ZNF782: variants seen among roughly 807,000 people sequenced by gnomAD.
ZNF782 encodes zinc finger protein 782.
In ZNF782, 12 loss-of-function variants were observed where a neutral mutation model predicts 13.0. The ratio of observed to expected loss-of-function variants is 0.92; its 90% CI spans 0.59 to 1.50. The LOEUF (loss-of-function observed/expected upper bound fraction) is 1.50. Among genes scored for constraint, ZNF782 ranks in the 40% most tolerant of loss-of-function variants. The pLI is 0.00. For missense variants in ZNF782, 770 were observed against 822.9 expected (o/e 0.94, Z 0.79); for synonymous variants, 284 against 283.0 (o/e 1.00, Z -0.04).
chr9:96,884,113 T>C, the ZNF782 span, among the ~76,000 whole-genome samples: 1 of 152,196 alleles, frequency 6.6e-6, no homozygotes, highest in Non-Finnish European at 1.5e-5. Flanking sequence ...AATCTGGTGG[T>C]ATTGGCAGGG....
the ZNF782 span, among the ~76,000 whole-genome samples, chr9:96,900,984 A>AC: frequency 1.4e-5 from 2 of 143,914 alleles, no homozygotes; most frequent in Non-Finnish European, 3.0e-5. Flanking sequence ...ACCTGGTGAA[A>AC]CCCCGTCTTT....
At chr9:96,895,538 A>C in the ZNF782 span, 1 of 152,072 alleles carries the variant, frequency 6.6e-6, no homozygotes, top group Non-Finnish European at 1.5e-5. Context: ...TATACTGTTC[A>C]TTTTTCTCTC....
At chr9:96,887,330 G>GAAGGAAGGAAGGAAGGAAGA in the ZNF782 span, 23 of 138,090 alleles carry the variant, frequency 1.7e-4, no homozygotes, top group African/African-American at 6.5e-4. Flanking sequence ...AGGAAGGAAG[G>GAAGGAAGGAAGGAAGGAAGA]AAGGAAGGAA....
At chr9:96,900,170 G>T in the ZNF782 span, among the ~76,000 whole-genome samples, 23 of 151,168 alleles carry the variant, frequency 1.5e-4, 1 homozygote, top group African/African-American at 5.4e-4. Flanking sequence ...TAAGCTCACA[G>T]AGCTGGGTCC....
chr9:96,827,266 G>A, intron 4 of ZNF782, 85 bp from the exon 5 acceptor site: 1 of 940,458 alleles, frequency 1.1e-6, no homozygotes. Context: ...GCTTCAGAAG[G>A]GGCATATTCA....
At chr9:96,881,554 A>G in the ZNF782 span, among the ~76,000 whole-genome samples, 4 of 152,120 alleles carry the variant, frequency 2.6e-5, no homozygotes, top group Non-Finnish European at 5.9e-5. Context: ...AAAAAATTAA[A>G]GACTATAATC....
the ZNF782 span, among the ~76,000 whole-genome samples, chr9:96,907,470 G>A: frequency 6.6e-6 from 1 of 152,270 alleles, no homozygotes; most frequent in Non-Finnish European, 1.5e-5. Context: ...GCTTAAAAAT[G>A]GTTACGATGG....
At chr9:96,831,723 A>AC (rs1850807724) in intron 4 of ZNF782, among the ~76,000 whole-genome samples, 1 of 151,806 alleles carries the variant, frequency 6.6e-6, no homozygotes, top group African/African-American at 2.4e-5. Flanking sequence ...AAAAAAAAAA[A>AC]AAAAATTGCT....
At chr9:96,888,608 A>T in the ZNF782 span, 1 of 152,184 alleles carries the variant, frequency 6.6e-6, no homozygotes, top group Non-Finnish European at 1.5e-5. Context: ...GCAGACCTTG[A>T]TTGGGCAGGT....
the ZNF782 span, among the ~76,000 whole-genome samples, chr9:96,917,660 G>A: frequency 6.6e-6 from 1 of 151,570 alleles, no homozygotes. Context: ...TCAAACTCCT[G>A]ACCTCATGAT....
Position 96,838,144 on chromosome 9 carries a change from CAT to C in ZNF782, c.142+6744_142+6745del, listed in dbSNP as rs528939331. 6.2e-4 allele frequency among the ~76,000 whole-genome samples: 94 copies of C among 152,304 alleles called. 6 individuals are homozygous for C. The South Asian group carries it at 0.018, about 30-fold the overall frequency. ...TTATACTGAGAATTTTTCTTTGACTCATGTGTTGACAAGTGTGTTGGTTATTT... is the reference window on the plus strand; with the variant it reads ...TTATACTGAGAATTTTTCTTTGACTCGTGTTGACAAGTGTGTTGGTTATTT... On this transcript the variant is annotated intron_variant, in intron 4 of 5. Transcript: ENST00000481138.
chr9:96,908,146 T>A, the ZNF782 span, among the ~76,000 whole-genome samples: 1 of 151,870 alleles, frequency 6.6e-6, no homozygotes, highest in African/African-American at 2.4e-5. Context: ...AGTGCCTAAC[T>A]ACCATTGAGT....
chr9:96,846,515 T>C (rs750044406), intron 3 of ZNF782, among the ~76,000 whole-genome samples: 7 of 151,816 alleles, frequency 4.6e-5, no homozygotes, highest in Non-Finnish European at 8.8e-5. Context: ...TCCATGCAAA[T>C]GGAAACCAAA....
intron 4 of ZNF782, among the ~76,000 whole-genome samples, chr9:96,842,478 G>C (rs1286539641): frequency 2.6e-5 from 4 of 151,972 alleles, no homozygotes; most frequent in Admixed American, 2.6e-4. Context: ...ATTCAATGAA[G>C]GGTAATGGTG....
chr9:96,903,922 T>C, the ZNF782 span, among the ~76,000 whole-genome samples: 1 of 151,850 alleles, frequency 6.6e-6, no homozygotes. Context: ...ATATAGTAAG[T>C]ATATGTTTAA....
the ZNF782 span, among the ~76,000 whole-genome samples, chr9:96,907,290 C>T: frequency 6.6e-6 from 1 of 152,196 alleles, no homozygotes; most frequent in East Asian, 1.9e-4. Flanking sequence ...AGGTACCTAA[C>T]ATAGTCAAGC....
At chr9:96,875,867 TGAAGCAGCGAGCTAA>T (rs1246594637), upstream of ZNF782, among the ~76,000 whole-genome samples, 1 of 152,226 alleles carries the variant, frequency 6.6e-6, no homozygotes, top group East Asian at 1.9e-4. Flanking sequence ...TAGCTAGGCG[TGAAGCAGCGAGCTAA>T]GCTTGCACAT....
intron 1 of ZNF782, among the ~76,000 whole-genome samples, chr9:96,874,811 GGACCA>G (rs1851873334): frequency 6.6e-6 from 1 of 152,136 alleles, no homozygotes; most frequent in Non-Finnish European, 1.5e-5. Context: ...TTGGGAGCTG[GGACCA>G]GGGCCTGGGA....
chr9:96,833,783 T>A (rs544232785), intron 4 of ZNF782, among the ~76,000 whole-genome samples: 1 of 152,294 alleles, frequency 6.6e-6, no homozygotes, highest in South Asian at 2.1e-4. Flanking sequence ...TATTAGGAAT[T>A]TTTCTATTTG....
Sources: allele counts gnomAD v4.1 joint callset (sites outside exome capture counted in the v4.1 genomes callset), GRCh38; gene constraint gnomAD v4.1.1; transcripts MANE v1.5; gene names NCBI Gene and HGNC (gene_info 2026-07-23, HGNC 2026-07-21).